CRYM: variants seen among roughly 807,000 people sequenced by gnomAD.
CRYM encodes crystallin mu, also known as ketimine reductase mu-crystallin.
Under a neutral mutation model 32.9 loss-of-function variants are expected in CRYM, and 18 were observed. The observed-to-expected ratio is 0.55, with a 90% CI of 0.38 to 0.81. CRYM has a LOEUF of 0.81. Ranked by LOEUF, CRYM falls within the 30% of genes least tolerant of loss-of-function variation. CRYM has a pLI of 0.00. For missense variants in CRYM, 337 were observed against 393.5 expected (o/e 0.86, Z 1.21); for synonymous variants, 153 against 152.4 (o/e 1.00, Z -0.03).
chr16:21,302,554 T>A (rs1960977622), intron 1 of CRYM, among the ~76,000 whole-genome samples: 1 of 152,140 alleles, frequency 6.6e-6, no homozygotes, highest in Non-Finnish European at 1.5e-5. Flanking sequence ...TGAAACAAAG[T>A]GGGGCAGGGT....
chr16:21,291,271 T>G (rs1156276759), intron 1 of CRYM, among the ~76,000 whole-genome samples: 1 of 152,150 alleles, frequency 6.6e-6, no homozygotes, highest in African/African-American at 2.4e-5. Context: ...TACTATGATA[T>G]CCAAGAGGTG....
chr16:21,291,239 C>A (rs756789536), intron 1 of CRYM, among the ~76,000 whole-genome samples: 8 of 152,046 alleles, frequency 5.3e-5, no homozygotes, highest in Non-Finnish European at 8.8e-5. Flanking sequence ...CCATTTATAA[C>A]CTTGGGATGA....
At position 21,277,707 on chromosome 16, in the gene CRYM, C is replaced by G. The variant is rs2093389832; in HGVS notation, c.171-123G>C. Reference sequence around the variant, plus strand: ...ACCCCACTGGCCCTCTTCCAGCCCCCGCATCCCTCTGCCCTTCCCTTAGAC... The same window carrying G: ...ACCCCACTGGCCCTCTTCCAGCCCCGGCATCCCTCTGCCCTTCCCTTAGAC... On this transcript the variant is annotated intron_variant, in intron 1 of 7. Transcript: ENST00000572914. The surrounding 1 kb of genome is among the most constrained non-coding windows in gnomAD (Gnocchi z 4.2). The G allele has an allele frequency of 9.4e-7, 1 of 1,065,690 alleles. No homozygotes were observed. Among genetic ancestry groups the G allele is most frequent in the Non-Finnish European group, 1.4e-6 (1 of 721,298 alleles). The allele number at this position is 1,065,690 out of a possible 1,614,324, so 66.0% of individuals were successfully genotyped here.
At chr16:21,274,946 T>C (rs1193059701) in intron 3 of CRYM, among the ~76,000 whole-genome samples, 1 of 152,218 alleles carries the variant, frequency 6.6e-6, no homozygotes, top group African/African-American at 2.4e-5. Context: ...CTCCCCTGTG[T>C]GTGCCCCTCT....
intron 1 of CRYM, chr16:21,301,161 C>T (rs1960915104): frequency 6.6e-6 from 1 of 152,360 alleles, no homozygotes; most frequent in South Asian, 2.1e-4. Context: ...CCAGTAGACC[C>T]TGAGGAGCAG....
intron 5 of CRYM, among the ~76,000 whole-genome samples, chr16:21,263,531 G>A (rs995717511): frequency 1.3e-5 from 2 of 151,938 alleles, no homozygotes; most frequent in Non-Finnish European, 1.5e-5. Flanking sequence ...CCTCACCCCC[G>A]GTTCTCTCTT....
intron 5 of CRYM, among the ~76,000 whole-genome samples, chr16:21,264,593 G>A (rs1046482391): frequency 6.6e-6 from 1 of 152,214 alleles, no homozygotes; most frequent in Non-Finnish European, 1.5e-5. Flanking sequence ...GTATTTCCCT[G>A]TTGTCTGCGC....
In CRYM at chr16:21,269,895, T is replaced by C. The variant is rs1233296218; in HGVS notation, c.388-4A>G. ...CACTGCTGGGAGGTTTCAGAAACTA[T>C]ATGAGAGAAATGAAGTGGCAAAGGT... On this transcript the variant is annotated splice_region_variant and splice_polypyrimidine_tract_variant and intron_variant, in intron 3 of 7. Transcript: ENST00000572914. The C allele has an allele frequency of 1.9e-6, 3 of 1,606,168 alleles. No individual in the cohort carries two copies. Among genetic ancestry groups the C allele is most frequent in the Admixed American group, 1.7e-5 (1 of 59,820 alleles).
chr16:21,268,545 A>G (rs780011263), intron 4 of CRYM: 1 of 152,196 alleles, frequency 6.6e-6, no homozygotes, highest in Non-Finnish European at 1.5e-5. Context: ...TATAATACAT[A>G]CGGAAACAAA....
intron 1 of CRYM, chr16:21,300,255 C>A (rs903876150): frequency 6.6e-6 from 1 of 152,176 alleles, no homozygotes; most frequent in Non-Finnish European, 1.5e-5. Flanking sequence ...TGCCTTTTGT[C>A]CTCCAACATA....
intron 5 of CRYM, among the ~76,000 whole-genome samples, chr16:21,265,020 G>A (rs562225451): frequency 3.2e-4 from 49 of 152,126 alleles, no homozygotes; most frequent in African/African-American, 1.1e-3. Context: ...CCTGAACCAC[G>A]GGAACTGTGA....
chr16:21,293,378 CAT>C (rs1232153192), intron 1 of CRYM, among the ~76,000 whole-genome samples: 1 of 152,094 alleles, frequency 6.6e-6, no homozygotes, highest in Admixed American at 6.5e-5. Flanking sequence ...GGGAATCTCT[CAT>C]AGAGAGCAGG....
At chr16:21,297,655 C>T (rs1353967011) in intron 1 of CRYM, among the ~76,000 whole-genome samples, 1 of 152,050 alleles carries the variant, frequency 6.6e-6, no homozygotes, top group Admixed American at 6.5e-5. Context: ...ATGAATATAA[C>T]AATAAATAGA....
At chr16:21,288,095 T>C (rs1311999984) in intron 1 of CRYM, among the ~76,000 whole-genome samples, 1 of 152,210 alleles carries the variant, frequency 6.6e-6, no homozygotes, top group Admixed American at 6.5e-5. Context: ...TTTGTAGTGC[T>C]AGAATTGAAT....
At position 21,263,482 on chromosome 16, in the gene CRYM, T is replaced by C. The variant is rs890910470; in HGVS notation, c.674-1324A>G. Among the ~76,000 whole-genome samples the C allele has an allele frequency of 3.9e-5, 6 of 152,098 alleles. 1 individual carries two copies. ...CTCCCGCCTCAGCCTCCCAAACTGT[T>C]GGGACCACAGACGCCTGCCACTATG... On this transcript the variant is annotated intron_variant, in intron 5 of 7. Coordinates refer to ENST00000572914, the MANE Select transcript of CRYM (RefSeq NM_001376256.1).
Position 21,258,783 on chromosome 16 carries a change from A to G in CRYM, c.943T>C (p.Ter315GlnextTer5), listed in dbSNP as rs140779001. 54 of 1,613,626 alleles carry G rather than the reference A, an allele frequency of 3.3e-5. No individual in the cohort carries two copies. In the African/African-American group the frequency reaches 6.8e-4, roughly 20 times the overall value. ...TCTCAACATCAAGTTCCTTTGTTTT[A>G]TTTACCAGATGACCAGGAATCATAG... ...LIYDSWSSGK[*>Q] The change falls in exon 8 of 8, where the codon TAA (stop) becomes CAA (glutamine). Residue 315 changes from the stop codon to glutamine, a stop_lost. Coordinates refer to ENST00000572914, the MANE Select transcript of CRYM (RefSeq NM_001376256.1).
At chr16:21,276,632 C>T (rs536440845) in intron 2 of CRYM, among the ~76,000 whole-genome samples, 1 of 152,290 alleles carries the variant, frequency 6.6e-6, no homozygotes, top group South Asian at 2.1e-4. Flanking sequence ...AATAAAAACA[C>T]CCATAGAGGA....
intron 1 of CRYM, among the ~76,000 whole-genome samples, chr16:21,299,558 C>A (rs1960858618): frequency 6.6e-6 from 1 of 152,202 alleles, no homozygotes; most frequent in African/African-American, 2.4e-5. Context: ...GATCCGCTCG[C>A]CTTGGCCTCC....
At chr16:21,276,268 T>C (rs886246108) in intron 2 of CRYM, among the ~76,000 whole-genome samples, 3 of 152,196 alleles carry the variant, frequency 2.0e-5, no homozygotes, top group Admixed American at 6.5e-5. Flanking sequence ...AATCACGAAG[T>C]CACTGAGCAG....
Sources: gnomAD v4.1 joint callset for allele counts (sites outside exome capture counted in the v4.1 genomes callset) on GRCh38, gnomAD v4.1.1 for gene constraint, Gnocchi (gnomAD v3.1) non-coding constraint, MANE v1.5 for transcripts, NCBI Gene and HGNC (gene_info 2026-07-23, HGNC 2026-07-21) for gene names.